The following SKOR2 variants were observed in gnomAD, a reference collection of about 807,000 sequenced individuals.
SKOR2 encodes the protein LBX1 corepressor 1-like protein.
Under a neutral mutation model 69.1 loss-of-function variants are expected in SKOR2, and 47 were observed. That is an observed-to-expected ratio of 0.68 (90% CI 0.54 to 0.87). The LOEUF is 0.87. Ranked by LOEUF, SKOR2 falls within the 40% of genes least tolerant of loss-of-function variation. SKOR2 has a pLI of 0.00. For missense variants in SKOR2, 1,404 were observed against 1,472.2 expected (o/e 0.95, Z 0.76); for synonymous variants, 717 against 672.6 (o/e 1.07, Z -1.02).
chr18:47,225,693 T>A (rs1035976451), intron 6 of SKOR2, among the ~76,000 whole-genome samples: 1 of 152,124 alleles, frequency 6.6e-6, no homozygotes, highest in African/African-American at 2.4e-5. Context: ...AAAGGCTTCT[T>A]GGATGTGGCA....
At chr18:47,215,085 G>T (rs976966614) in intron 7 of SKOR2, among the ~76,000 whole-genome samples, 2 of 152,066 alleles carry the variant, frequency 1.3e-5, no homozygotes, top group Non-Finnish European at 2.9e-5. Context: ...AGAGAAAGAT[G>T]AGAAGAAAAA....
rs2064299521 is a variant in SKOR2, at chr18:47,248,926, T to G, written c.258A>C (p.Ala86=). The change falls in exon 2 of 9, where the codon GCA becomes GCC. Residue 86 remains alanine (A), a synonymous_variant. Coordinates refer to ENST00000425639, the MANE Select transcript of SKOR2 (RefSeq NM_001278063.4). The surrounding 1 kb of genome is among the most constrained non-coding windows in gnomAD (Gnocchi z 6.4). ...TGCACTGCACACACGTGATGCCCAG[T>G]GCCACGCGACGGTTGTGGATCTCGT... The part of the protein sequence containing the change: ...SYNEIHNRRV[A]LGITCVQCTP... 1 of 1,575,084 alleles carries G rather than the reference T, an allele frequency of 6.3e-7. No homozygotes were observed. The highest frequency in any genetic ancestry group is 8.6e-7 in the Non-Finnish European group (1 of 1,167,942).
Position 47,246,663 on chromosome 18 carries a change from G to T in SKOR2, c.2521C>A (p.Leu841Met). The T allele has an allele frequency of 6.7e-7, 1 of 1,502,120 alleles. No individual in the cohort carries two copies. The highest frequency in any genetic ancestry group is 8.8e-7 in the Non-Finnish European group (1 of 1,133,922). 93.0% of individuals were successfully genotyped at this position (1,502,120 alleles called of 1,614,324 possible). A position where few individuals can be genotyped will look rare whatever the true frequency, so the allele number is the denominator to read the frequency against. Residue 841 changes from leucine to methionine, a missense_variant, in exon 2 of 9, where the codon CTG (leucine) becomes ATG (methionine). Coordinates refer to ENST00000425639, the MANE Select transcript of SKOR2 (RefSeq NM_001278063.4). ...CCGCCACTCGCCTTCTGGGGGGCCAGGGGCGGCGGCGGGGGCGGGGGCAGG... is the reference window on the plus strand; with the variant it reads ...CCGCCACTCGCCTTCTGGGGGGCCATGGGCGGCGGCGGGGGCGGGGGCAGG... The part of the protein sequence containing the change: ...SDLPPPPPPP[L>M]APQKASGGGS...
chr18:47,214,574 G>A (rs1469329705), intron 7 of SKOR2, among the ~76,000 whole-genome samples: 1 of 152,102 alleles, frequency 6.6e-6, no homozygotes, highest in Non-Finnish European at 1.5e-5. Flanking sequence ...ATAGTAGCAT[G>A]GCCAGTTGTT....
At position 47,247,459 on chromosome 18, in the gene SKOR2, C is replaced by G; in HGVS notation, c.1725G>C (p.Pro575=). ...CGGCAGCTGCCACAGAGTCCGCGGG[C>G]GGCGTGGAGCCCGCGCTGCAGTCCC... is the stretch of plus-strand genomic sequence containing the variant. ...SGGDCSAGST[P]PADSVAAAGA... The change falls in exon 2 of 9, where the codon CCG becomes CCC. Residue 575 remains proline (P), a synonymous_variant. Transcript: ENST00000425639. This position sits in a 1 kb window ranked among gnomAD's most constrained non-coding sequence, Gnocchi z 6.6. 8.1e-7 allele frequency: 1 copy of G among 1,233,050 alleles called. No individual in the cohort carries two copies. Among genetic ancestry groups the G allele is most frequent in the Non-Finnish European group, 1.0e-6 (1 of 988,876 alleles). 76.4% of individuals were successfully genotyped at this position (1,233,050 alleles called of 1,614,324 possible). A position where few individuals can be genotyped will look rare whatever the true frequency, so the allele number is the denominator to read the frequency against.
intron 4 of SKOR2, among the ~76,000 whole-genome samples, chr18:47,241,698 A>G (rs1422679308): frequency 1.3e-5 from 2 of 152,196 alleles, no homozygotes; most frequent in Non-Finnish European, 2.9e-5. Context: ...TAAAGTTAAC[A>G]AAGTATAGCC....
chr18:47,222,964 T>A (rs2064166564), intron 6 of SKOR2, among the ~76,000 whole-genome samples: 1 of 152,198 alleles, frequency 6.6e-6, no homozygotes, highest in South Asian at 2.1e-4. Context: ...AATTTTTTTT[T>A]AAGATTGGAG....
At chr18:47,208,506 G>A (rs2064119199) in intron 8 of SKOR2, among the ~76,000 whole-genome samples, 1 of 152,208 alleles carries the variant, frequency 6.6e-6, no homozygotes, top group African/African-American at 2.4e-5. Context: ...TCTGTGAAAG[G>A]TGTGGGTGTT....
intron 6 of SKOR2, among the ~76,000 whole-genome samples, chr18:47,225,920 C>A (rs755471781): frequency 6.6e-6 from 1 of 152,088 alleles, no homozygotes; most frequent in Admixed American, 6.5e-5. Context: ...CTTAGATATA[C>A]CATGATACAC....
At chr18:47,223,379 A>G (rs2064167901) in intron 6 of SKOR2, among the ~76,000 whole-genome samples, 1 of 152,230 alleles carries the variant, frequency 6.6e-6, no homozygotes, top group African/African-American at 2.4e-5. Flanking sequence ...GAGATGATAC[A>G]TGCTGTTCCA....
chr18:47,232,270 A>G lies in SKOR2; in HGVS notation c.2753-1270T>C, dbSNP rs557248292. ...TCTCTTAACTGCTCTTCCTCGACCA[A>G]AGAAAACTATATTGCGCATAAAGGT... On this transcript the variant is annotated intron_variant, in intron 4 of 8. Coordinates refer to ENST00000425639, the MANE Select transcript of SKOR2 (RefSeq NM_001278063.4). Among the ~76,000 whole-genome samples, 16 of 152,338 alleles carry G rather than the reference A, an allele frequency of 1.1e-4. No homozygotes were observed. The South Asian group carries it at 2.9e-3, about 28-fold the overall frequency.
chr18:47,232,527 T>C (rs1359234469), intron 4 of SKOR2, among the ~76,000 whole-genome samples: 1 of 152,214 alleles, frequency 6.6e-6, no homozygotes, highest in Non-Finnish European at 1.5e-5. Flanking sequence ...ACAAAGGGGC[T>C]CTGAGGCCTC....
intron 8 of SKOR2, among the ~76,000 whole-genome samples, chr18:47,209,629 T>C (rs2064122075): frequency 6.6e-6 from 1 of 151,714 alleles, no homozygotes; most frequent in Non-Finnish European, 1.5e-5. Context: ...CAAATCAATC[T>C]TTTTTTTTCT....
At chr18:47,245,075 T>A in intron 3 of SKOR2, 93 bp from the exon 4 acceptor site, 1 of 952,606 alleles carries the variant, frequency 1.0e-6, no homozygotes, top group Non-Finnish European at 1.6e-6. Flanking sequence ...GGGAGGATGC[T>A]ACTTATTATA....
At chr18:47,249,571 C>T (rs1046262487) in intron 1 of SKOR2, among the ~76,000 whole-genome samples, 3 of 152,150 alleles carry the variant, frequency 2.0e-5, no homozygotes, top group African/African-American at 7.2e-5. Context: ...TAAATAGTAA[C>T]GATAGTTGTA....
Position 47,230,458 on chromosome 18 carries a change from C to A in SKOR2, c.2917+1G>T. On this transcript the variant is annotated splice_donor_variant, in intron 6 of 8. Transcript: ENST00000425639. LOFTEE classifies it high-confidence loss of function. ...ACAATGAAATAAAAGTGATTTCTTA[C>A]TGAATACTGGGAAAGATGTGTTTCC... is the stretch of plus-strand genomic sequence containing the variant. 1 of 1,394,244 alleles carries A rather than the reference C, an allele frequency of 7.2e-7. No individual in the cohort carries two copies. Among genetic ancestry groups the A allele is most frequent in the Non-Finnish European group, 9.3e-7 (1 of 1,075,792 alleles). The allele number at this position is 1,394,244 out of a possible 1,614,324, so 86.4% of individuals were successfully genotyped here.
At chr18:47,245,124 C>CT in intron 3 of SKOR2, 142 bp from the exon 4 acceptor site, 1 of 667,310 alleles carries the variant, frequency 1.5e-6, no homozygotes, top group Non-Finnish European at 2.5e-6. Flanking sequence ...GAGAAACAAT[C>CT]AGAAGGCTCT....
rs890903406 is a variant in SKOR2 at position 47,212,084 on chromosome 18, A to G, written c.*3+2T>C. 1 of 1,231,968 alleles carries G rather than the reference A, an allele frequency of 8.1e-7. No homozygotes were observed. Among genetic ancestry groups the G allele is most frequent in the African/African-American group, 1.5e-5 (1 of 64,518 alleles). The allele number at this position is 1,231,968 out of a possible 1,614,324, so 76.3% of individuals were successfully genotyped here. ...AAAATCTCTTTCCTCTGGTGATCTT[A>G]CCTTTTAGCTTTTGCTGAGATGGGC... On this transcript the variant is annotated splice_donor_variant, in intron 8 of 8. Coordinates refer to ENST00000425639, the MANE Select transcript of SKOR2 (RefSeq NM_001278063.4). LOFTEE classifies it low-confidence loss of function (3UTR_SPLICE).
chr18:47,244,724 A>G (rs2064263496), intron 4 of SKOR2, among the ~76,000 whole-genome samples, 184 bp downstream of exon 4: 1 of 152,232 alleles, frequency 6.6e-6, no homozygotes, highest in Non-Finnish European at 1.5e-5. Flanking sequence ...AAATATGCCC[A>G]GCAATTAATA....
Sources: allele counts gnomAD v4.1 joint callset (sites outside exome capture counted in the v4.1 genomes callset), GRCh38; gene constraint gnomAD v4.1.1; non-coding constraint Gnocchi (gnomAD v3.1); transcripts MANE v1.5; gene names NCBI Gene and HGNC (gene_info 2026-07-23, HGNC 2026-07-21).